The following AJAP1 variants were observed in gnomAD, a reference collection of about 807,000 sequenced individuals.
AJAP1 encodes the protein adherens junctions associated protein 1.
AJAP1 carries 5 observed loss-of-function variants against 35.0 expected under a neutral mutation model. The observed-to-expected ratio is 0.14, with a 90% CI of 0.07 to 0.30. The LOEUF is 0.30. AJAP1 is among the 10% of genes least tolerant of loss of function. The probability of loss-of-function intolerance (pLI) is 1.00; values close to 1 mark genes in which losing one functional copy is unlikely to be tolerated. For missense variants in AJAP1, 586 were observed against 571.0 expected (o/e 1.03, Z -0.27); for synonymous variants, 284 against 249.3 (o/e 1.14, Z -1.31).
rs1240160712 is a variant in AJAP1, at chr1:4,723,534, C to A, written c.829+10835C>A. ...CTGCAGGAGAAAGCTGTTCCCAGAGCATGGAGGGGTCCTCGTGGCGGAGCT... is the reference window on the plus strand; with the variant it reads ...CTGCAGGAGAAAGCTGTTCCCAGAGAATGGAGGGGTCCTCGTGGCGGAGCT... On this transcript the variant is annotated intron_variant, in intron 2 of 5. Transcript: ENST00000378191. This position sits in a 1 kb window ranked among gnomAD's most constrained non-coding sequence, Gnocchi z 4.3. Among the ~76,000 whole-genome samples the A allele has an allele frequency of 6.6e-6, 1 of 152,010 alleles. No homozygotes were observed. The highest frequency in any genetic ancestry group is 6.6e-5 in the Admixed American group (1 of 15,256).
intron 3 of AJAP1, among the ~76,000 whole-genome samples, chr1:4,770,467 A>T (rs1641810270): frequency 6.6e-6 from 1 of 152,094 alleles, no homozygotes. Flanking sequence ...TCCTCCTAGA[A>T]ATTGGCCTAC....
chr1:4,705,779 G>A (rs12031850), intron 1 of AJAP1, among the ~76,000 whole-genome samples: 1 of 152,114 alleles, frequency 6.6e-6, no homozygotes, highest in Non-Finnish European at 1.5e-5. Context: ...GAAAGCCTGA[G>A]AAACCATCAC....
Position 4,785,016 on chromosome 1 carries a change from A to G in AJAP1, c.*2531A>G, listed in dbSNP as rs1380037515. The G allele has an allele frequency of 6.6e-6, 1 of 152,268 alleles. No homozygotes were observed. Among genetic ancestry groups the G allele is most frequent in the Non-Finnish European group, 1.5e-5 (1 of 68,120 alleles). The allele number at this position is 152,268 out of a possible 1,614,324, so 9.4% of individuals were successfully genotyped here. Reference sequence around the variant, plus strand: ...TCTGAGCTCCAGAGTGAGCCCAACTAAGGAGGAGGTGACGGCCGGGGGGCC... The same window carrying G: ...TCTGAGCTCCAGAGTGAGCCCAACTGAGGAGGAGGTGACGGCCGGGGGGCC... On this transcript the variant is annotated 3_prime_UTR_variant, in exon 6 of 6. Coordinates refer to ENST00000378191, the MANE Select transcript of AJAP1 (RefSeq NM_018836.4).
At chr1:4,736,264 G>T (rs902392159) in intron 2 of AJAP1, among the ~76,000 whole-genome samples, 4 of 152,160 alleles carry the variant, frequency 2.6e-5, no homozygotes, top group African/African-American at 9.7e-5. Flanking sequence ...AACTGTCATT[G>T]GCTCCCCACT....
intron 1 of AJAP1, among the ~76,000 whole-genome samples, chr1:4,685,876 C>T (rs1183469884): frequency 6.6e-6 from 1 of 152,206 alleles, no homozygotes. Flanking sequence ...GGGCTGGGCT[C>T]TGCAAGGTCA....
chr1:4,758,045 C>CT (rs1251372799), intron 2 of AJAP1, among the ~76,000 whole-genome samples: 3 of 152,082 alleles, frequency 2.0e-5, no homozygotes, highest in Non-Finnish European at 4.4e-5. Flanking sequence ...GGTTTTCTCC[C>CT]TTTTGCTCTG....
rs376884160 is a variant in AJAP1, at chr1:4,684,603, T to G, written c.30-27297T>G. ...AAGCCATGGCCTTTCCTGGGTAGAATCTTGGGTTGAGAAGGTTTTTGCAGG... is the reference window on the plus strand; with the variant it reads ...AAGCCATGGCCTTTCCTGGGTAGAAGCTTGGGTTGAGAAGGTTTTTGCAGG... On this transcript the variant is annotated intron_variant, in intron 1 of 5. Coordinates refer to ENST00000378191, the MANE Select transcript of AJAP1 (RefSeq NM_018836.4). Among the ~76,000 whole-genome samples, 56 of 152,256 alleles carry G rather than the reference T, an allele frequency of 3.7e-4. 1 individual carries two copies. In the East Asian group the frequency reaches 3.9e-3, roughly 11 times the overall value.
intron 2 of AJAP1, among the ~76,000 whole-genome samples, chr1:4,738,266 A>G (rs1334746526): frequency 6.6e-6 from 1 of 152,258 alleles, no homozygotes; most frequent in Non-Finnish European, 1.5e-5. Flanking sequence ...CAGGCCCACA[A>G]GGGTGATTGT....
intron 1 of AJAP1, among the ~76,000 whole-genome samples, chr1:4,707,744 G>A (rs1306116005): frequency 1.3e-5 from 2 of 152,090 alleles, no homozygotes; most frequent in East Asian, 1.9e-4. Flanking sequence ...AGGTTTTCAT[G>A]TGGACAGATG....
intron 1 of AJAP1, among the ~76,000 whole-genome samples, chr1:4,675,978 C>T (rs746291060): frequency 7.9e-5 from 12 of 152,214 alleles, no homozygotes; most frequent in South Asian, 2.1e-4. Context: ...GGGGCTGGGA[C>T]GCCCACGTTT....
intron 2 of AJAP1, among the ~76,000 whole-genome samples, chr1:4,736,366 C>G (rs547856097): frequency 6.6e-6 from 1 of 152,334 alleles, no homozygotes; most frequent in South Asian, 2.1e-4. Flanking sequence ...GCGCTGTGCG[C>G]AGCCCTCCCT....
chr1:4,750,064 G>T (rs573943976), intron 2 of AJAP1, among the ~76,000 whole-genome samples: 189 of 152,146 alleles, frequency 1.2e-3, no homozygotes, highest in African/African-American at 4.3e-3. Context: ...ATCTATATAT[G>T]CCAGTGTGTC....
In AJAP1 at chr1:4,655,479, T is replaced by A. The variant is rs1410721271; in HGVS notation, c.29+25T>A. On this transcript the variant is annotated intron_variant, in intron 1 of 5. Transcript: ENST00000378191. This position sits in a 1 kb window ranked among gnomAD's most constrained non-coding sequence, Gnocchi z 6.9. ...GGTGAGCGACCCGGCCGGCGCCGGG[T>A]GCGTGTGGGCGCGTGGGTGCCAGGC... is the stretch of plus-strand genomic sequence containing the variant. 5.1e-6 allele frequency: 8 copies of A among 1,565,670 alleles called. No individual in the cohort carries two copies. Among genetic ancestry groups the A allele is most frequent in the Non-Finnish European group, 6.9e-6 (8 of 1,155,182 alleles).
chr1:4,715,174 G>A (rs1256366946), intron 2 of AJAP1, among the ~76,000 whole-genome samples: 6 of 152,236 alleles, frequency 3.9e-5, no homozygotes, highest in Non-Finnish European at 5.9e-5. Flanking sequence ...TTGGTGGAAC[G>A]TGAACACTAC....
At chr1:4,708,270 G>A (rs916131422) in intron 1 of AJAP1, among the ~76,000 whole-genome samples, 3 of 152,022 alleles carry the variant, frequency 2.0e-5, no homozygotes, top group African/African-American at 2.4e-5. Context: ...CTGGCCGGGC[G>A]GTATGTTCTT....
chr1:4,730,880 T>A (rs908564553), intron 2 of AJAP1, among the ~76,000 whole-genome samples: 1 of 152,138 alleles, frequency 6.6e-6, no homozygotes, highest in Non-Finnish European at 1.5e-5. Flanking sequence ...CTTGGCTGGA[T>A]CAAACTCTGC....
intron 1 of AJAP1, among the ~76,000 whole-genome samples, chr1:4,694,624 G>A (rs572458723): frequency 1.8e-4 from 28 of 152,362 alleles, no homozygotes; most frequent in East Asian, 7.7e-4. Flanking sequence ...AGATGAGCTC[G>A]TGGGTCACGC....
chr1:4,762,138 T>C (rs1329556889), intron 2 of AJAP1, among the ~76,000 whole-genome samples: 4 of 152,232 alleles, frequency 2.6e-5, no homozygotes. Flanking sequence ...CTATCCTTCA[T>C]ACAACCCTCC....
At chr1:4,685,643 C>G (rs1370813964) in intron 1 of AJAP1, among the ~76,000 whole-genome samples, 1 of 79,504 alleles carries the variant, frequency 1.3e-5, no homozygotes, top group Non-Finnish European at 2.4e-5. Context: ...TGCCGGGACC[C>G]AAGACCAAGA....
Sources: allele counts gnomAD v4.1 joint callset (sites outside exome capture counted in the v4.1 genomes callset), GRCh38; gene constraint gnomAD v4.1.1; non-coding constraint Gnocchi (gnomAD v3.1); transcripts MANE v1.5; gene names NCBI Gene and HGNC (gene_info 2026-07-23, HGNC 2026-07-21).